The following ZNF385B variants were observed in gnomAD, a reference collection of about 807,000 sequenced individuals.
ZNF385B encodes the protein zinc finger protein 533.
Under a neutral mutation model 39.2 loss-of-function variants are expected in ZNF385B, and 23 were observed. The ratio of observed to expected loss-of-function variants is 0.59; its 90% CI spans 0.42 to 0.83. The LOEUF (loss-of-function observed/expected upper bound fraction) is 0.83. ZNF385B is among the 40% of genes least tolerant of loss of function. The probability of loss-of-function intolerance (pLI) is 0.00; values close to 1 mark genes in which losing one functional copy is unlikely to be tolerated. For missense variants in ZNF385B, 552 were observed against 598.9 expected (o/e 0.92, Z 0.82); for synonymous variants, 205 against 222.6 (o/e 0.92, Z 0.70).
chr2:179,524,992 T>C (rs375391461), intron 4 of ZNF385B, among the ~76,000 whole-genome samples: 2 of 152,180 alleles, frequency 1.3e-5, no homozygotes. Context: ...TTACCTCCTG[T>C]AGTCTCCATC....
Position 179,446,525 on chromosome 2 carries a change from C to T in ZNF385B, c.961G>A (p.Gly321Arg), listed in dbSNP as rs369875144. Residue 321 changes from glycine (G) to arginine (R), a missense_variant and splice_region_variant, in exon 7 of 10, where the codon GGA (glycine) becomes AGA (arginine). Physicochemically the swap from Gly to Arg is moderately radical, Grantham distance 125. Coordinates refer to ENST00000410066, the MANE Select transcript of ZNF385B (RefSeq NM_152520.6). Reference protein sequence around the residue: ...SLSQLEAHNTGSKHKTMVEAR... With the variant: ...SLSQLEAHNTRSKHKTMVEAR... ...TTAAATGCAAAAGATAGCTGCTAAC[C>T]TGTGTTGTGTGCCTCTAGCTGTGAC... 1.2e-6 allele frequency: 2 copies of T among 1,612,230 alleles called. No individual in the cohort carries two copies. Among genetic ancestry groups the T allele is most frequent in the African/African-American group, 1.3e-5 (1 of 74,836 alleles).
intron 3 of ZNF385B, among the ~76,000 whole-genome samples, chr2:179,579,593 C>A (rs1380321926): frequency 1.3e-5 from 2 of 152,018 alleles, no homozygotes; most frequent in Non-Finnish European, 1.5e-5. Context: ...ATGCTCATAT[C>A]TCAATAAAAT....
intron 3 of ZNF385B, among the ~76,000 whole-genome samples, chr2:179,708,441 C>A (rs1161932846): frequency 6.6e-6 from 1 of 152,182 alleles, no homozygotes; most frequent in African/African-American, 2.4e-5. Context: ...CAGACTAATA[C>A]AAGAGCCAAA....
intron 3 of ZNF385B, among the ~76,000 whole-genome samples, chr2:179,628,969 T>G (rs1338297491): frequency 2.0e-5 from 3 of 152,256 alleles, no homozygotes; most frequent in African/African-American, 7.2e-5. Flanking sequence ...GCTATCATTA[T>G]GCACTAACAG....
chr2:179,750,582 A>C (rs901953137), intron 3 of ZNF385B, among the ~76,000 whole-genome samples: 2 of 152,080 alleles, frequency 1.3e-5, no homozygotes, highest in African/African-American at 4.8e-5. Context: ...TCAAAGGTGT[A>C]ATCTGACATA....
At chr2:179,676,431 A>G (rs1408190066) in intron 3 of ZNF385B, among the ~76,000 whole-genome samples, 4 of 151,506 alleles carry the variant, frequency 2.6e-5, no homozygotes, top group South Asian at 4.2e-4. Flanking sequence ...TCACCGTGTT[A>G]GCCAGGATGG....
At chr2:179,754,966 T>C (rs1468546286) in intron 3 of ZNF385B, among the ~76,000 whole-genome samples, 2 of 152,204 alleles carry the variant, frequency 1.3e-5, no homozygotes, top group Non-Finnish European at 2.9e-5. Context: ...TTTCTTGCCT[T>C]CTGCTAGCTT....
At chr2:179,742,656 C>G (rs1702149571) in intron 3 of ZNF385B, among the ~76,000 whole-genome samples, 1 of 151,886 alleles carries the variant, frequency 6.6e-6, no homozygotes, top group Admixed American at 6.6e-5. Context: ...AGGTAAGAAG[C>G]AACTTTCTCA....
chr2:179,629,470 T>C (rs562972650), intron 3 of ZNF385B, among the ~76,000 whole-genome samples: 1 of 152,332 alleles, frequency 6.6e-6, no homozygotes, highest in African/African-American at 2.4e-5. Context: ...GAATAGAGCA[T>C]TGGGCAAATT....
chr2:179,548,332 T>C (rs1203362013), intron 3 of ZNF385B, among the ~76,000 whole-genome samples: 1 of 149,698 alleles, frequency 6.7e-6, no homozygotes, highest in Non-Finnish European at 1.5e-5. Context: ...CCTTCTTTAG[T>C]GTATAACTTT....
At chr2:179,644,215 G>T (rs1330692350) in intron 3 of ZNF385B, among the ~76,000 whole-genome samples, 1 of 152,054 alleles carries the variant, frequency 6.6e-6, no homozygotes, top group Non-Finnish European at 1.5e-5. Flanking sequence ...TAGATATTTT[G>T]AAGCTCGCTT....
intron 3 of ZNF385B, among the ~76,000 whole-genome samples, chr2:179,643,890 A>G (rs1189619092): frequency 6.6e-6 from 1 of 152,158 alleles, no homozygotes; most frequent in Non-Finnish European, 1.5e-5. Context: ...AAGAAATCAT[A>G]TAGCACAATG....
chr2:179,463,710 C>T (rs1009291330), intron 6 of ZNF385B, among the ~76,000 whole-genome samples: 2 of 152,142 alleles, frequency 1.3e-5, no homozygotes, highest in African/African-American at 4.8e-5. Context: ...GCATAGTATT[C>T]CATGGTGTAT....
At chr2:179,537,832 C>G (rs2059683243) in intron 4 of ZNF385B, among the ~76,000 whole-genome samples, 3 of 151,588 alleles carry the variant, frequency 2.0e-5, no homozygotes, top group East Asian at 3.9e-4. Flanking sequence ...AATATTTGTA[C>G]AAAATCTTTG....
At chr2:179,537,766 C>A (rs368195461) in intron 4 of ZNF385B, among the ~76,000 whole-genome samples, 34,552 of 130,048 alleles carry the variant, frequency 0.27, 4,431 homozygotes, top group African/African-American at 0.37. Context: ...AACAAACAAA[C>A]AAAAAAAAAA....
chr2:179,619,971 C>A (rs927868367), intron 3 of ZNF385B, among the ~76,000 whole-genome samples: 1 of 152,154 alleles, frequency 6.6e-6, no homozygotes, highest in Non-Finnish European at 1.5e-5. Flanking sequence ...CTCAACCTCT[C>A]TGAATGTCAA....
chr2:179,572,853 C>A (rs540034594), intron 3 of ZNF385B, among the ~76,000 whole-genome samples: 3 of 152,142 alleles, frequency 2.0e-5, no homozygotes, highest in Non-Finnish European at 2.9e-5. Flanking sequence ...TATTCTGTAC[C>A]GCCAAAAAGA....
At chr2:179,671,684 GC>G (rs1696022352) in intron 3 of ZNF385B, among the ~76,000 whole-genome samples, 1 of 152,196 alleles carries the variant, frequency 6.6e-6, no homozygotes, top group African/African-American at 2.4e-5. Context: ...CTTCATTGTA[GC>G]CCTGTTCCCC....
rs1412931796 is a variant in ZNF385B at position 179,442,287 on chromosome 2, T to C, written c.*963A>G. 6.6e-6 allele frequency: 1 copy of C among 152,636 alleles called. No individual in the cohort carries two copies. The highest frequency in any genetic ancestry group is 1.5e-5 in the Non-Finnish European group (1 of 68,032). The allele number at this position is 152,636 out of a possible 1,614,324, so 9.5% of individuals were successfully genotyped here. ...CAAAATTATGTAGCATCATTACAAA[T>C]GAAAACAGGTTAAAAATGAAGAAGA... On this transcript the variant is annotated 3_prime_UTR_variant, in exon 10 of 10. Coordinates refer to ENST00000410066, the MANE Select transcript of ZNF385B (RefSeq NM_152520.6).
Sources: allele counts gnomAD v4.1 joint callset (sites outside exome capture counted in the v4.1 genomes callset), GRCh38; gene constraint gnomAD v4.1.1; transcripts MANE v1.5; gene names NCBI Gene and HGNC (gene_info 2026-07-23, HGNC 2026-07-21).